CADM1: variants seen among roughly 807,000 people sequenced by gnomAD.
The protein encoded by CADM1 is TSLC-1.
Under a neutral mutation model 53.1 loss-of-function variants are expected in CADM1, and 15 were observed. That is an observed-to-expected ratio of 0.28 (90% CI 0.19 to 0.44). The LOEUF (loss-of-function observed/expected upper bound fraction) is 0.44, where lower values mean the gene tolerates loss of function less well. Ranked by LOEUF, CADM1 falls within the 20% of genes least tolerant of loss-of-function variation. The pLI, the probability that CADM1 is intolerant of heterozygous loss-of-function variation, is 1.00. For synonymous variants in CADM1, 281 were observed against 243.0 expected, an observed-to-expected ratio of 1.16 and a Z score of -1.45; for missense variants, 434 against 611.3, an observed-to-expected ratio of 0.71 and a Z score of 3.06.
chr11:115,224,569 T>C (rs533016996), intron 5 of CADM1, among the ~76,000 whole-genome samples: 1 of 152,088 alleles, frequency 6.6e-6, no homozygotes. Flanking sequence ...TGCCAAACAT[T>C]TTAAAGAGCA....
chr11:115,397,437 T>G (rs529398485), intron 1 of CADM1: 2 of 152,136 alleles, frequency 1.3e-5, no homozygotes, highest in South Asian at 2.1e-4. Context: ...TCCCACAAAA[T>G]GAAAAGTCTA....
At chr11:115,400,659 GTGTATATATATATA>G (rs1485052127) in intron 1 of CADM1, among the ~76,000 whole-genome samples, 3 of 38,668 alleles carry the variant, frequency 7.8e-5, no homozygotes, top group Non-Finnish European at 1.2e-4. Flanking sequence ...GTGTGTGTGT[GTGTATATATATATA>G]TATATATATA....
intron 1 of CADM1, among the ~76,000 whole-genome samples, chr11:115,433,394 A>G (rs1403431118): frequency 6.6e-6 from 1 of 152,176 alleles, no homozygotes; most frequent in Non-Finnish European, 1.5e-5. Context: ...AGGGAGCTCA[A>G]AGTCAATAAG....
chr11:115,199,817 C>CAGTT (rs1940334884), intron 8 of CADM1, among the ~76,000 whole-genome samples: 1 of 152,230 alleles, frequency 6.6e-6, no homozygotes, highest in African/African-American at 2.4e-5. Flanking sequence ...TGCAAGCAAG[C>CAGTT]AGTTCACTGT....
At chr11:115,221,664 T>C (rs550033728) in intron 5 of CADM1, among the ~76,000 whole-genome samples, 4 of 152,304 alleles carry the variant, frequency 2.6e-5, no homozygotes, top group African/African-American at 7.2e-5. Flanking sequence ...TGTATTTCAG[T>C]TTCCTATGTA....
chr11:115,464,920 C>T (rs1948866685), intron 1 of CADM1, among the ~76,000 whole-genome samples: 1 of 152,172 alleles, frequency 6.6e-6, no homozygotes, highest in South Asian at 2.1e-4. Context: ...AATCTGGTAC[C>T]ATGTTTTCAA....
intron 1 of CADM1, among the ~76,000 whole-genome samples, chr11:115,336,279 T>C (rs868543631): frequency 3.3e-5 from 5 of 152,088 alleles, no homozygotes; most frequent in Non-Finnish European, 7.4e-5. Context: ...TCAGAGCAAA[T>C]GTCAACACAC....
chr11:115,303,132 G>A (rs1367793928), intron 1 of CADM1, among the ~76,000 whole-genome samples: 1 of 152,014 alleles, frequency 6.6e-6, no homozygotes, highest in African/African-American at 2.4e-5. Context: ...GTACAAAAAA[G>A]CCAGCCAAGT....
At chr11:115,246,314 G>T (rs576203156) in intron 1 of CADM1, among the ~76,000 whole-genome samples, 2 of 152,320 alleles carry the variant, frequency 1.3e-5, no homozygotes. Context: ...TATGTTGATT[G>T]TCTGCTCCAA....
At chr11:115,209,286 A>G (rs1270634005) in intron 8 of CADM1, among the ~76,000 whole-genome samples, 1 of 152,232 alleles carries the variant, frequency 6.6e-6, no homozygotes, top group Non-Finnish European at 1.5e-5. Context: ...CGTGTTCTCT[A>G]GTAGCCAGCT....
chr11:115,275,348 T>A (rs891482087), intron 1 of CADM1, among the ~76,000 whole-genome samples: 4 of 151,970 alleles, frequency 2.6e-5, no homozygotes, highest in Non-Finnish European at 4.4e-5. Flanking sequence ...CACTCCAACC[T>A]CCCTAGACAG....
chr11:115,488,821 A>G (rs1949433534), intron 1 of CADM1, among the ~76,000 whole-genome samples: 1 of 152,148 alleles, frequency 6.6e-6, no homozygotes, highest in African/African-American at 2.4e-5. Context: ...TACCCATGTC[A>G]TTTTTTTAAA....
intron 10 of CADM1, among the ~76,000 whole-genome samples, chr11:115,190,233 TCTC>T (rs1939780271): frequency 6.6e-6 from 1 of 152,128 alleles, no homozygotes; most frequent in Admixed American, 6.6e-5. Flanking sequence ...CCACTTTAAA[TCTC>T]CTCCCTCCCT....
In CADM1 at chr11:115,455,740, G is replaced by C. The variant is rs905657426; in HGVS notation, c.124+48531C>G. Among the ~76,000 whole-genome samples, 5 of 152,182 alleles carry C rather than the reference G, an allele frequency of 3.3e-5. No homozygotes were observed. The South Asian group carries it at 1.0e-3, about 31-fold the overall frequency. On this transcript the variant is annotated intron_variant, in intron 1 of 11. Transcript: ENST00000331581. ...AAAAGCTCCTCCCCCTAAGAGGAAA[G>C]AACCTGTTAATTTGCTATGTGGCCA...
intron 1 of CADM1, among the ~76,000 whole-genome samples, chr11:115,311,256 GGAA>G: frequency 6.6e-6 from 1 of 152,186 alleles, no homozygotes; most frequent in South Asian, 2.1e-4. Flanking sequence ...TAATAATCAT[GGAA>G]GACGTCTCAG....
chr11:115,286,895 A>G (rs1943743072), intron 1 of CADM1, among the ~76,000 whole-genome samples: 1 of 152,252 alleles, frequency 6.6e-6, no homozygotes, highest in Admixed American at 6.5e-5. Context: ...AGTGCATTTC[A>G]AGAACAACAG....
intron 8 of CADM1, among the ~76,000 whole-genome samples, chr11:115,206,249 G>C (rs576555279): frequency 1.3e-5 from 2 of 152,200 alleles, no homozygotes; most frequent in Non-Finnish European, 2.9e-5. Flanking sequence ...TCATAAATCA[G>C]GGACTGTTTG....
At chr11:115,328,549 G>A (rs756878203) in intron 1 of CADM1, among the ~76,000 whole-genome samples, 3 of 149,804 alleles carry the variant, frequency 2.0e-5, no homozygotes, top group Non-Finnish European at 4.4e-5. Flanking sequence ...AATACCTTAT[G>A]TGCTAAATTC....
intron 1 of CADM1, among the ~76,000 whole-genome samples, chr11:115,273,496 G>T (rs1205440094): frequency 2.6e-5 from 4 of 152,012 alleles, no homozygotes; most frequent in Non-Finnish European, 5.9e-5. Context: ...CAGACAGAGG[G>T]AAATAAATGA....
Sources: allele counts gnomAD v4.1 joint callset (sites outside exome capture counted in the v4.1 genomes callset), GRCh38; gene constraint gnomAD v4.1.1; transcripts MANE v1.5; gene names NCBI Gene and HGNC (gene_info 2026-07-23, HGNC 2026-07-21).